MAGI2: variants seen among roughly 807,000 people sequenced by gnomAD.
MAGI2 encodes membrane-associated guanylate kinase, WW and PDZ domain-containing protein 2.
In MAGI2, 35 loss-of-function variants were observed where a neutral mutation model predicts 133.3. The observed-to-expected ratio is 0.26, with a 90% CI of 0.20 to 0.35. The LOEUF is 0.35. Ranked by LOEUF, MAGI2 falls within the 10% of genes least tolerant of loss-of-function variation. The pLI is 1.00. For missense variants in MAGI2, 1,636 were observed against 1,863.4 expected, an observed-to-expected ratio of 0.88 and a Z score of 2.25; for synonymous variants, 729 against 710.6, an observed-to-expected ratio of 1.03 and a Z score of -0.41.
rs1816770554 is a variant in MAGI2, at chr7:78,689,790, G to T, written c.419-62551C>A. On this transcript the variant is annotated intron_variant, in intron 2 of 21. Coordinates refer to ENST00000354212, the MANE Select transcript of MAGI2 (RefSeq NM_012301.4). ...CCCTTTTATTAAGTAGTATTTCATT[G>T]TAATAAGATATCACAATTTATTTGT... Among the ~76,000 whole-genome samples the T allele has an allele frequency of 3.1e-5, 4 of 129,866 alleles. No individual in the cohort carries two copies. The South Asian group carries it at 1.0e-3, about 33-fold the overall frequency. 85.2% of individuals were successfully genotyped at this position (129,866 alleles called of 152,430 possible).
At chr7:78,822,233 G>T (rs902682396) in intron 2 of MAGI2, among the ~76,000 whole-genome samples, 1 of 152,020 alleles carries the variant, frequency 6.6e-6, no homozygotes, top group Non-Finnish European at 1.5e-5. Flanking sequence ...TCAGTGAAAT[G>T]AAGATTCAGA....
chr7:78,293,380 A>G (rs1294649948), intron 9 of MAGI2, among the ~76,000 whole-genome samples: 3 of 152,204 alleles, frequency 2.0e-5, no homozygotes, highest in South Asian at 2.1e-4. Context: ...CAAAACCACA[A>G]TGAGATACCA....
intron 6 of MAGI2, among the ~76,000 whole-genome samples, chr7:78,483,062 C>T (rs182670043): frequency 6.6e-6 from 1 of 151,508 alleles, no homozygotes; most frequent in Admixed American, 6.6e-5. Flanking sequence ...GCAGATTGTA[C>T]CATTATCAGT....
chr7:79,048,185 A>C (rs1812351669), intron 1 of MAGI2, among the ~76,000 whole-genome samples: 1 of 152,186 alleles, frequency 6.6e-6, no homozygotes, highest in Non-Finnish European at 1.5e-5. Context: ...CCACTATCCC[A>C]AGCTTAGGGT....
intron 1 of MAGI2, chr7:79,010,812 CTG>C (rs1395362633): frequency 6.6e-6 from 1 of 151,954 alleles, no homozygotes; most frequent in Non-Finnish European, 1.5e-5. Flanking sequence ...AAAAATAAGA[CTG>C]TAGACAAGTA....
At chr7:78,284,035 A>C (rs1361218105) in intron 9 of MAGI2, among the ~76,000 whole-genome samples, 2 of 152,126 alleles carry the variant, frequency 1.3e-5, no homozygotes, top group African/African-American at 4.8e-5. Flanking sequence ...TCAGTACCAC[A>C]AGGTGATAAA....
chr7:78,181,590 C>T (rs1827191362), intron 13 of MAGI2, among the ~76,000 whole-genome samples: 1 of 152,130 alleles, frequency 6.6e-6, no homozygotes, highest in Non-Finnish European at 1.5e-5. Context: ...AGTGTTGCTT[C>T]TTAGAAGTTG....
intron 3 of MAGI2, among the ~76,000 whole-genome samples, chr7:78,584,520 T>C (rs1803195786): frequency 1.3e-5 from 2 of 150,184 alleles, no homozygotes; most frequent in African/African-American, 4.9e-5. Context: ...CTTTCCTACA[T>C]GAAATGATGA....
intron 2 of MAGI2, among the ~76,000 whole-genome samples, chr7:78,649,237 A>AAAAAAAAAAAAAAAAGAAAAAAAG (rs1563294737): frequency 3.1e-5 from 2 of 65,486 alleles, no homozygotes; most frequent in East Asian, 3.2e-4. Context: ...AAAAAAAAAG[A>AAAAAAAAAAAAAAAAGAAAAAAAG]AAAAAAAAGA....
chr7:78,576,640 C>T (rs977394129), intron 3 of MAGI2, among the ~76,000 whole-genome samples: 1 of 151,980 alleles, frequency 6.6e-6, no homozygotes, highest in Non-Finnish European at 1.5e-5. Context: ...TCTGAACAGA[C>T]AGGCCTTGCT....
intron 2 of MAGI2, among the ~76,000 whole-genome samples, chr7:78,695,017 A>C (rs1027051980): frequency 2.0e-5 from 3 of 152,102 alleles, no homozygotes; most frequent in African/African-American, 7.2e-5. Context: ...CGAAGTCAGG[A>C]GATCGACATC....
At chr7:79,288,597 G>C (rs962933414) in intron 1 of MAGI2, among the ~76,000 whole-genome samples, 1 of 152,076 alleles carries the variant, frequency 6.6e-6, no homozygotes, top group Non-Finnish European at 1.5e-5. Context: ...AATCAGAATT[G>C]TATAATAAAA....
chr7:79,369,259 A>C (rs1318815316), intron 1 of MAGI2, among the ~76,000 whole-genome samples: 2 of 152,144 alleles, frequency 1.3e-5, no homozygotes, highest in Admixed American at 6.5e-5. Flanking sequence ...AGTATTTGGC[A>C]ATTCTATTGC....
At chr7:78,425,367 C>T (rs775526421) in intron 6 of MAGI2, among the ~76,000 whole-genome samples, 8 of 152,080 alleles carry the variant, frequency 5.3e-5, no homozygotes, top group Non-Finnish European at 1.2e-4. Flanking sequence ...TTGTCAATTG[C>T]CCAGTCTTGG....
At chr7:79,450,643 T>C (rs1849175919) in intron 1 of MAGI2, among the ~76,000 whole-genome samples, 1 of 152,126 alleles carries the variant, frequency 6.6e-6, no homozygotes, top group Admixed American at 6.5e-5. Flanking sequence ...TTTAGAAGCA[T>C]ATATTCTGAG....
At chr7:78,494,349 T>C (rs1793898974) in intron 5 of MAGI2, among the ~76,000 whole-genome samples, 1 of 152,144 alleles carries the variant, frequency 6.6e-6, no homozygotes, top group South Asian at 2.1e-4. Context: ...ATAATCTACA[T>C]ATGAATATTT....
At chr7:78,151,590 C>G (rs536116764) in intron 16 of MAGI2, among the ~76,000 whole-genome samples, 1 of 152,208 alleles carries the variant, frequency 6.6e-6, no homozygotes, top group Non-Finnish European at 1.5e-5. Context: ...TGTTAGGGTG[C>G]TCTCTCATCT....
intron 1 of MAGI2, among the ~76,000 whole-genome samples, chr7:79,084,117 T>C (rs1434274011): frequency 1.3e-5 from 2 of 151,708 alleles, no homozygotes; most frequent in Non-Finnish European, 3.0e-5. Flanking sequence ...TTTGGTGTAC[T>C]TGATCTCTAT....
intron 1 of MAGI2, among the ~76,000 whole-genome samples, chr7:79,180,943 T>A (rs780215449): frequency 1.7e-4 from 26 of 151,958 alleles, no homozygotes; most frequent in Admixed American, 7.2e-4. Context: ...TCTAAAATGA[T>A]CTCCTTTGAC....
Sources: allele counts gnomAD v4.1 joint callset (sites outside exome capture counted in the v4.1 genomes callset), GRCh38; gene constraint gnomAD v4.1.1; transcripts MANE v1.5; gene names NCBI Gene and HGNC (gene_info 2026-07-23, HGNC 2026-07-21).